Variants in CAMK1D observed in about 807,000 individuals in gnomAD.
CAMK1D encodes the protein calcium/calmodulin-dependent protein kinase type 1D.
A neutral mutation model predicts 47.7 loss-of-function variants in CAMK1D; 9 were observed. The ratio of observed to expected loss-of-function variants is 0.19; its 90% CI spans 0.11 to 0.33. CAMK1D has a LOEUF of 0.33. Ranked by LOEUF, CAMK1D falls within the 10% of genes least tolerant of loss-of-function variation. CAMK1D has a pLI of 1.00. For synonymous variants in CAMK1D, 184 were observed against 184.9 expected (o/e 0.99, Z 0.04); for missense variants, 291 against 488.7 (o/e 0.60, Z 3.81).
chr10:12,780,377 A>T (rs1423209590), intron 5 of CAMK1D, among the ~76,000 whole-genome samples: 1 of 152,152 alleles, frequency 6.6e-6, no homozygotes, highest in East Asian at 1.9e-4. Flanking sequence ...ATATAAAATA[A>T]ATGTGCTGGG....
intron 2 of CAMK1D, among the ~76,000 whole-genome samples, chr10:12,558,861 T>C (rs2815622): frequency 0.34 from 51,606 of 152,034 alleles, 8,772 homozygotes; most frequent in Middle Eastern, 0.45. Context: ...CTTGGGGAAG[T>C]GACCCTGGCA....
At chr10:12,817,375 T>C (rs976068310) in intron 8 of CAMK1D, among the ~76,000 whole-genome samples, 8 of 152,368 alleles carry the variant, frequency 5.3e-5, no homozygotes, top group Non-Finnish European at 8.8e-5. Context: ...CCTTTTAAGA[T>C]GCTTTTCGAA....
Position 12,488,874 on chromosome 10 carries a change from G to A in CAMK1D, c.93-64351G>A, listed in dbSNP as rs1343673731. ...GTGATGCGAGGGATGGGGAGCGGCT[G>A]TAAATACAGATGAGGTTTCGCTCAC... On this transcript the variant is annotated intron_variant, in intron 1 of 10. Transcript: ENST00000619168. Among the ~76,000 whole-genome samples, 6 of 152,214 alleles carry A rather than the reference G, an allele frequency of 3.9e-5. No homozygotes were observed. The East Asian group carries it at 5.8e-4, about 15-fold the overall frequency.
intron 3 of CAMK1D, among the ~76,000 whole-genome samples, chr10:12,723,038 G>C (rs1489738963): frequency 6.6e-6 from 1 of 152,174 alleles, no homozygotes; most frequent in Admixed American, 6.5e-5. Flanking sequence ...GTCCACATGG[G>C]AGGAAGAACT....
At chr10:12,442,063 A>G (rs1162903176) in intron 1 of CAMK1D, among the ~76,000 whole-genome samples, 1 of 152,252 alleles carries the variant, frequency 6.6e-6, no homozygotes, top group Admixed American at 6.5e-5. Context: ...CTTTGATGGT[A>G]TAAAATGCAG....
chr10:12,376,850 T>A (rs981547832), intron 1 of CAMK1D, among the ~76,000 whole-genome samples: 3 of 151,410 alleles, frequency 2.0e-5, no homozygotes, highest in Admixed American at 1.3e-4. Flanking sequence ...ACCCTCTGCC[T>A]CCTAGGTTCA....
At chr10:12,541,835 T>C (rs1431558862) in intron 1 of CAMK1D, among the ~76,000 whole-genome samples, 2 of 108,782 alleles carry the variant, frequency 1.8e-5, no homozygotes, top group Non-Finnish European at 4.1e-5. Context: ...CTTTTTGCTG[T>C]GTTTTATCTT....
intron 2 of CAMK1D, among the ~76,000 whole-genome samples, chr10:12,638,520 A>G (rs1449190490): frequency 6.6e-6 from 1 of 151,974 alleles, no homozygotes; most frequent in African/African-American, 2.4e-5. Flanking sequence ...CCTTGGATAA[A>G]TCCTGCTTGT....
At chr10:12,622,581 A>G (rs1316434895) in intron 2 of CAMK1D, among the ~76,000 whole-genome samples, 1 of 151,866 alleles carries the variant, frequency 6.6e-6, no homozygotes, top group Non-Finnish European at 1.5e-5. Context: ...CTTAGGAAGA[A>G]TAGAGAAACA....
intron 7 of CAMK1D, 67 bp from the exon 8 acceptor site, chr10:12,816,183 G>C: frequency 7.6e-7 from 1 of 1,309,536 alleles, no homozygotes; most frequent in Non-Finnish European, 1.1e-6. Flanking sequence ...TGAAGACCTG[G>C]TGGGATCATA....
At chr10:12,363,145 T>C (rs1837728453) in intron 1 of CAMK1D, among the ~76,000 whole-genome samples, 1 of 147,660 alleles carries the variant, frequency 6.8e-6, no homozygotes. Context: ...TTCACCATAT[T>C]GGTCAGGCTG....
At chr10:12,512,273 G>A (rs1012711613) in intron 1 of CAMK1D, among the ~76,000 whole-genome samples, 2 of 152,130 alleles carry the variant, frequency 1.3e-5, no homozygotes, top group African/African-American at 4.8e-5. Context: ...CACAGGACGT[G>A]GACTTTTAGG....
At chr10:12,472,526 A>C (rs1388590199) in intron 1 of CAMK1D, among the ~76,000 whole-genome samples, 1 of 151,338 alleles carries the variant, frequency 6.6e-6, no homozygotes, top group East Asian at 1.9e-4. Flanking sequence ...CATTCAGCTT[A>C]TTTTATTTTA....
chr10:12,736,962 G>A (rs1835217270), intron 3 of CAMK1D, among the ~76,000 whole-genome samples: 1 of 152,174 alleles, frequency 6.6e-6, no homozygotes, highest in Non-Finnish European at 1.5e-5. Flanking sequence ...ACAGCCATGA[G>A]TTGCCCCAAG....
intron 1 of CAMK1D, among the ~76,000 whole-genome samples, chr10:12,374,966 A>C (rs541559657): frequency 1.7e-3 from 259 of 148,220 alleles, no homozygotes; most frequent in Middle Eastern, 6.9e-3. Context: ...AAAAAAAAGA[A>C]ATATTTTTGT....
At chr10:12,495,472 T>G (rs1479220915) in intron 1 of CAMK1D, among the ~76,000 whole-genome samples, 2 of 152,224 alleles carry the variant, frequency 1.3e-5, no homozygotes, top group African/African-American at 4.8e-5. Flanking sequence ...AATAGGTCAG[T>G]TTTTTTCCAG....
At chr10:12,404,961 A>G (rs1372987322) in intron 1 of CAMK1D, among the ~76,000 whole-genome samples, 2 of 152,152 alleles carry the variant, frequency 1.3e-5, no homozygotes, top group Non-Finnish European at 2.9e-5. Context: ...CTGGGATTAT[A>G]GACATGAGCC....
At position 12,495,237 on chromosome 10, in the gene CAMK1D, CA is replaced by C. The variant is rs558391509; in HGVS notation, c.93-57984del. 1.1e-3 allele frequency among the ~76,000 whole-genome samples: 160 copies of C among 152,232 alleles called. 1 individual carries two copies. The highest frequency in any genetic ancestry group is 3.7e-3 in the African/African-American group (154 of 41,532). ...TCAGGTAAAGCCCGTACCATTTGTG[CA>C]AAAGGAAAATGGCTTCAACTTACTT... On this transcript the variant is annotated intron_variant, in intron 1 of 10. Transcript: ENST00000619168.
intron 2 of CAMK1D, among the ~76,000 whole-genome samples, chr10:12,612,837 T>A (rs1224174859): frequency 6.6e-6 from 1 of 152,192 alleles, no homozygotes; most frequent in Non-Finnish European, 1.5e-5. Flanking sequence ...CTTTTGTTGT[T>A]AGTATTGTTG....
Sources: gnomAD v4.1 joint callset for allele counts (sites outside exome capture counted in the v4.1 genomes callset) on GRCh38, gnomAD v4.1.1 for gene constraint, MANE v1.5 for transcripts, NCBI Gene and HGNC (gene_info 2026-07-23, HGNC 2026-07-21) for gene names.